GRM8: variants seen among roughly 807,000 people sequenced by gnomAD.
The protein encoded by GRM8 is glutamate metabotropic receptor 8.
A neutral mutation model predicts 87.2 loss-of-function variants in GRM8; 47 were observed. The ratio of observed to expected loss-of-function variants is 0.54; its 90% CI spans 0.43 to 0.69. GRM8 has a LOEUF of 0.69. GRM8 is among the 30% of genes least tolerant of loss of function. The probability of loss-of-function intolerance (pLI) is 0.00; values close to 1 mark genes in which losing one functional copy is unlikely to be tolerated. For synonymous variants in GRM8, 396 were observed against 404.5 expected, an observed-to-expected ratio of 0.98 and a Z score of 0.25; for missense variants, 1,019 against 1,139.2, an observed-to-expected ratio of 0.89 and a Z score of 1.52.
intron 2 of GRM8, among the ~76,000 whole-genome samples, chr7:127,211,280 G>A (rs1378428756): frequency 1.3e-5 from 2 of 152,192 alleles, no homozygotes; most frequent in Admixed American, 6.5e-5. Flanking sequence ...CAAACCACTA[G>A]GGTAAGTCCA....
At chr7:127,140,197 T>C (rs1387857799) in intron 2 of GRM8, among the ~76,000 whole-genome samples, 1 of 152,124 alleles carries the variant, frequency 6.6e-6, no homozygotes, top group Non-Finnish European at 1.5e-5. Flanking sequence ...ACTATTGACA[T>C]CTTAGACTGG....
intron 9 of GRM8, among the ~76,000 whole-genome samples, chr7:126,502,670 A>G (rs1809819083): frequency 6.6e-6 from 1 of 152,042 alleles, no homozygotes; most frequent in Non-Finnish European, 1.5e-5. Context: ...CTTATGATTT[A>G]TTCTTGGTAA....
intron 3 of GRM8, among the ~76,000 whole-genome samples, chr7:127,070,301 C>T (rs147578380): frequency 1.2e-4 from 18 of 152,188 alleles, no homozygotes; most frequent in African/African-American, 4.1e-4. Context: ...CCATTCTGAG[C>T]GCCTCTGTGT....
intron 6 of GRM8, among the ~76,000 whole-genome samples, chr7:126,864,034 C>T (rs1485450771): frequency 1.2e-4 from 14 of 117,854 alleles, no homozygotes; most frequent in East Asian, 2.6e-4. Flanking sequence ...CTATGTGTGG[C>T]TTTTTTTTTT....
chr7:126,521,908 C>T (rs1813040593), intron 9 of GRM8, among the ~76,000 whole-genome samples: 1 of 152,122 alleles, frequency 6.6e-6, no homozygotes, highest in African/African-American at 2.4e-5. Context: ...TACTCAAAAT[C>T]ATAATCTACC....
chr7:126,694,690 T>G (rs1809189138), intron 7 of GRM8, among the ~76,000 whole-genome samples: 2 of 152,282 alleles, frequency 1.3e-5, no homozygotes, highest in South Asian at 4.1e-4. Flanking sequence ...TAGATCTACA[T>G]TTCTCCTCTG....
intron 6 of GRM8, among the ~76,000 whole-genome samples, chr7:126,890,599 AC>A (rs1800902760): frequency 1.3e-5 from 2 of 151,546 alleles, no homozygotes; most frequent in African/African-American, 2.4e-5. Context: ...ACTGCCTCCC[AC>A]CCCCTGAGAG....
At chr7:126,877,275 TA>T (rs1338739816) in intron 6 of GRM8, among the ~76,000 whole-genome samples, 2 of 152,246 alleles carry the variant, frequency 1.3e-5, no homozygotes, top group African/African-American at 4.8e-5. Context: ...CTTGTTGGCC[TA>T]GCAGTAAAGT....
intron 2 of GRM8, 101 bp from the exon 3 acceptor site, chr7:127,106,813 C>A (rs889425360): frequency 1.0e-4 from 82 of 813,306 alleles, no homozygotes; most frequent in Non-Finnish European, 1.7e-4. Flanking sequence ...GAAACCTAGA[C>A]ATATCAACCT....
intron 8 of GRM8, among the ~76,000 whole-genome samples, chr7:126,543,829 A>T (rs950275252): frequency 6.6e-6 from 1 of 152,224 alleles, no homozygotes. Flanking sequence ...AGACCAGTGG[A>T]AAACGATGTA....
chr7:126,615,940 C>A (rs1251769506), intron 7 of GRM8, among the ~76,000 whole-genome samples: 1 of 151,968 alleles, frequency 6.6e-6, no homozygotes, highest in Non-Finnish European at 1.5e-5. Context: ...ACTTTAACAC[C>A]CCACTGTCAA....
intron 3 of GRM8, among the ~76,000 whole-genome samples, chr7:126,934,899 T>C (rs1301115202): frequency 2.0e-5 from 3 of 152,242 alleles, no homozygotes; most frequent in Non-Finnish European, 4.4e-5. Context: ...CAAATTATGT[T>C]TTTCTTAAAT....
At chr7:127,172,233 T>G (rs933058072) in intron 2 of GRM8, among the ~76,000 whole-genome samples, 2 of 152,182 alleles carry the variant, frequency 1.3e-5, no homozygotes, top group African/African-American at 4.8e-5. Context: ...TTTAATAAAC[T>G]TTAATATTAT....
At chr7:127,119,249 G>A (rs1826885120) in intron 2 of GRM8, among the ~76,000 whole-genome samples, 1 of 152,170 alleles carries the variant, frequency 6.6e-6, no homozygotes, top group African/African-American at 2.4e-5. Context: ...AGCACTTTGG[G>A]AGGCCGAGTT....
rs1812245550 is a variant in GRM8, at chr7:126,720,296, CA to C, written c.1357+49568del. On this transcript the variant is annotated intron_variant, in intron 7 of 10. Coordinates refer to ENST00000339582, the MANE Select transcript of GRM8 (RefSeq NM_000845.3). ...AGCTGGGACTACAGGCATGTGCCACCAAACCTGGATAATTTTTTAAATTTTT... is the reference window on the plus strand; with the variant it reads ...AGCTGGGACTACAGGCATGTGCCACCAACCTGGATAATTTTTTAAATTTTT... 3.9e-5 allele frequency among the ~76,000 whole-genome samples: 6 copies of C among 152,070 alleles called. No homozygotes were observed. The South Asian group carries it at 1.2e-3, about 32-fold the overall frequency.
intron 3 of GRM8, among the ~76,000 whole-genome samples, chr7:126,952,525 C>A (rs1163243635): frequency 6.6e-6 from 1 of 151,970 alleles, no homozygotes; most frequent in Non-Finnish European, 1.5e-5. Flanking sequence ...CAAGATCTTT[C>A]TTAACAGTAG....
At chr7:126,855,714 G>A (rs1036810344) in intron 6 of GRM8, among the ~76,000 whole-genome samples, 2 of 152,016 alleles carry the variant, frequency 1.3e-5, no homozygotes, top group Non-Finnish European at 2.9e-5. Flanking sequence ...GACCTGAAGT[G>A]ATAAACCGCC....
chr7:126,574,002 C>T (rs1562967387), intron 8 of GRM8, among the ~76,000 whole-genome samples: 3 of 152,170 alleles, frequency 2.0e-5, no homozygotes, highest in Non-Finnish European at 2.9e-5. Flanking sequence ...AAAAGGTTGC[C>T]TCTCTAAGGA....
chr7:126,475,012 A>G lies in GRM8; in HGVS notation c.2431-28640T>C, dbSNP rs530234155. Among the ~76,000 whole-genome samples, 235 of 152,302 alleles carry G rather than the reference A, an allele frequency of 1.5e-3. 1 individual carries two copies. The highest frequency in any genetic ancestry group is 2.6e-3 in the Admixed American group (40 of 15,284). On this transcript the variant is annotated intron_variant, in intron 9 of 10. Transcript: ENST00000339582. ...AACAAATGCCATATATAACAAAATC[A>G]CAGCTAATGTCATACTTCACAGTGA...
Sources: allele counts gnomAD v4.1 joint callset (sites outside exome capture counted in the v4.1 genomes callset), GRCh38; gene constraint gnomAD v4.1.1; transcripts MANE v1.5; gene names NCBI Gene and HGNC (gene_info 2026-07-23, HGNC 2026-07-21).